PLA2G6: variants seen among roughly 807,000 people sequenced by gnomAD.
PLA2G6 encodes the protein 85/88 kDa calcium-independent phospholipase A2.
PLA2G6 carries 62 observed loss-of-function variants against 83.8 expected under a neutral mutation model. The observed-to-expected ratio is 0.74, with a 90% confidence interval of 0.60 to 0.91. The LOEUF (loss-of-function observed/expected upper bound fraction) is 0.91, where lower values mean the gene tolerates loss of function less well. Among genes scored for constraint, PLA2G6 ranks in the 40% least tolerant of loss-of-function variants. PLA2G6 has a pLI of 0.00. For synonymous variants in PLA2G6, 417 were observed against 449.8 expected (o/e 0.93, Z 0.92); for missense variants, 944 against 1,102.0 (o/e 0.86, Z 2.03).
chr22:38,150,225 G>A (rs1569283299), intron 2 of PLA2G6: 1 of 152,122 alleles, frequency 6.6e-6, no homozygotes, highest in African/African-American at 2.4e-5. Context: ...ATGTAACTGC[G>A]TTACCAACAG....
At chr22:38,115,157 A>T (rs1322963990) in intron 14 of PLA2G6, among the ~76,000 whole-genome samples, 1 of 152,168 alleles carries the variant, frequency 6.6e-6, no homozygotes, top group East Asian at 1.9e-4. Flanking sequence ...GTCCTCCACC[A>T]CAGCACCGGC....
chr22:38,121,382 C>A (rs927885969), intron 11 of PLA2G6, among the ~76,000 whole-genome samples: 1 of 152,140 alleles, frequency 6.6e-6, no homozygotes, highest in African/African-American at 2.4e-5. Flanking sequence ...ACCACTGAAG[C>A]CCCACGGCTC....
chr22:38,121,885 C>T (rs2087547240), intron 11 of PLA2G6, among the ~76,000 whole-genome samples: 1 of 152,048 alleles, frequency 6.6e-6, no homozygotes, highest in African/African-American at 2.4e-5. Flanking sequence ...GAGAGCTGGG[C>T]ACACTGCTGG....
At chr22:38,159,217 A>C in intron 2 of PLA2G6, among the ~76,000 whole-genome samples, 1 of 152,188 alleles carries the variant, frequency 6.6e-6, no homozygotes, top group South Asian at 2.1e-4. Flanking sequence ...CAGATCCTCC[A>C]TACATTAAAA....
intron 12 of PLA2G6, among the ~76,000 whole-genome samples, chr22:38,116,864 A>C (rs943401278): frequency 6.6e-6 from 1 of 150,910 alleles, no homozygotes; most frequent in African/African-American, 2.4e-5. Flanking sequence ...AAAAAAAAAA[A>C]AAAAAAAAAA....
At chr22:38,114,953 G>A (rs560282549) in intron 14 of PLA2G6, among the ~76,000 whole-genome samples, 2 of 152,244 alleles carry the variant, frequency 1.3e-5, no homozygotes, top group Admixed American at 6.5e-5. Context: ...GTCACCCACC[G>A]CCCGCCACGC....
chr22:38,148,056 T>C (rs1263769067), intron 2 of PLA2G6: 13 of 176,852 alleles, frequency 7.4e-5, no homozygotes, highest in Non-Finnish European at 1.5e-4. Context: ...CCTCTCAACA[T>C]CAGGGTACTC....
At chr22:38,153,453 G>A (rs570533838) in intron 2 of PLA2G6, among the ~76,000 whole-genome samples, 10 of 151,978 alleles carry the variant, frequency 6.6e-5, no homozygotes, top group East Asian at 1.9e-4. Context: ...TTGCATTTTC[G>A]ACATTAAAGT....
chr22:38,149,900 A>T (rs1883636640), intron 2 of PLA2G6: 1 of 151,238 alleles, frequency 6.6e-6, no homozygotes, highest in African/African-American at 2.4e-5. Context: ...ACGCTACTTC[A>T]CTCCAGCTTA....
chr22:38,132,715 G>A lies in PLA2G6; in HGVS notation c.1077+116C>T. The stretch of plus-strand genomic sequence containing the variant: ...TGAACTGAGCTTTGGGTGGGAAGAT[G>A]ATTTGGAGCAGCTGACGATAGGAGG... On this transcript the variant is annotated intron_variant, in intron 7 of 16. Coordinates refer to ENST00000332509, the MANE Select transcript of PLA2G6 (RefSeq NM_003560.4). This position sits in a 1 kb window ranked among gnomAD's most constrained non-coding sequence, Gnocchi z 5.0. 1.1e-6 allele frequency: 1 copy of A among 950,946 alleles called. No individual in the cohort carries two copies. The highest frequency in any genetic ancestry group is 1.6e-6 in the Non-Finnish European group (1 of 632,212). 58.9% of individuals were successfully genotyped at this position (950,946 alleles called of 1,614,324 possible).
chr22:38,178,590 C>T (rs887763263), intron 1 of PLA2G6, among the ~76,000 whole-genome samples: 6 of 151,928 alleles, frequency 3.9e-5, no homozygotes, highest in Non-Finnish European at 7.4e-5. Flanking sequence ...CAAGGCCGGG[C>T]GCGGTGGCTC....
chr22:38,115,876 A>G, intron 13 of PLA2G6, 195 bp from the exon 14 acceptor site: 2 of 1,479,498 alleles, frequency 1.4e-6, no homozygotes, highest in Non-Finnish European at 1.8e-6. Flanking sequence ...ACAGCTGAGG[A>G]CTTTCCAGGG....
At chr22:38,112,725 C>G (rs942189634) in intron 15 of PLA2G6, 148 bp from the exon 16 acceptor site, 1 of 702,072 alleles carries the variant, frequency 1.4e-6, no homozygotes, top group East Asian at 2.7e-5. Context: ...CAGAGCGGCT[C>G]GGGCAAAACC....
At chr22:38,139,628 T>G in intron 5 of PLA2G6, 1 of 192,444 alleles carries the variant, frequency 5.2e-6, no homozygotes, top group Admixed American at 5.5e-5. Context: ...AGAGATGGGG[T>G]TTCTTCATGT....
At chr22:38,162,567 C>T (rs1002373060) in intron 2 of PLA2G6, among the ~76,000 whole-genome samples, 7 of 152,054 alleles carry the variant, frequency 4.6e-5, no homozygotes, top group African/African-American at 1.7e-4. Context: ...CTTGTATTTA[C>T]GGGAGAGCTG....
chr22:38,114,183 T>C (rs1241952190), intron 14 of PLA2G6, among the ~76,000 whole-genome samples: 1 of 146,188 alleles, frequency 6.8e-6, no homozygotes, highest in African/African-American at 2.5e-5. Flanking sequence ...GGTGCTGCCT[T>C]TTTTTTTTTT....
intron 12 of PLA2G6, among the ~76,000 whole-genome samples, chr22:38,120,478 A>AGGCAGGGCAGAGCCGGCAGGGCAGAGCC (rs11570742): frequency 6.6e-6 from 1 of 150,802 alleles, no homozygotes; most frequent in Non-Finnish European, 1.5e-5. Context: ...GGGCAGAGCC[A>AGGCAGGGCAGAGCCGGCAGGGCAGAGCC]GGCAGGGCAG....
chr22:38,138,044 G>A (rs1323926691), intron 5 of PLA2G6: 2 of 152,254 alleles, frequency 1.3e-5, no homozygotes, highest in African/African-American at 2.4e-5. Context: ...CTTATGTGAT[G>A]GGACGCTGGA....
At position 38,128,224 on chromosome 22, in the gene PLA2G6, C is replaced by T. The variant is rs781266104; in HGVS notation, c.1348+45G>A. 12 of 1,599,126 alleles carry T rather than the reference C, an allele frequency of 7.5e-6. No individual in the cohort carries two copies. The South Asian group carries it at 1.2e-4, about 16-fold the overall frequency. ...GGTGGGGCCTGCTGTGATCCAGGGG[C>T]CTGGGAACCAGCTGGAGAAGAGGGA... On this transcript the variant is annotated intron_variant, in intron 9 of 16. Transcript: ENST00000332509. The surrounding 1 kb of genome is among the most constrained non-coding windows in gnomAD (Gnocchi z 4.4).
Sources: allele counts gnomAD v4.1 joint callset (sites outside exome capture counted in the v4.1 genomes callset), GRCh38; gene constraint gnomAD v4.1.1; non-coding constraint Gnocchi (gnomAD v3.1); transcripts MANE v1.5; gene names NCBI Gene and HGNC (gene_info 2026-07-23, HGNC 2026-07-21).